The following MGAT4C variants were observed in gnomAD, a reference collection of about 807,000 sequenced individuals.
The protein encoded by MGAT4C is MGAT4 family member C, also known as alpha-1,3-mannosyl-glycoprotein 4-beta-N-acetylglucosaminyltransferase C.
A neutral mutation model predicts 40.1 loss-of-function variants in MGAT4C; 19 were observed. That is an observed-to-expected ratio of 0.47 (90% CI 0.33 to 0.70). The LOEUF (loss-of-function observed/expected upper bound fraction) is 0.70, where lower values mean the gene tolerates loss of function less well. MGAT4C is among the 30% of genes least tolerant of loss of function. MGAT4C has a pLI of 0.02. For missense variants in MGAT4C, 491 were observed against 563.2 expected (o/e 0.87, Z 1.30); for synonymous variants, 181 against 187.1 (o/e 0.97, Z 0.27).
intron 3 of MGAT4C, among the ~76,000 whole-genome samples, chr12:86,414,759 G>A (rs1439118011): frequency 6.6e-6 from 1 of 151,986 alleles, no homozygotes; most frequent in Non-Finnish European, 1.5e-5. Context: ...GTTTCATTTT[G>A]AACCGAATGG....
At chr12:86,047,015 A>C (rs1892460857) in intron 2 of MGAT4C, among the ~76,000 whole-genome samples, 1 of 152,200 alleles carries the variant, frequency 6.6e-6, no homozygotes, top group African/African-American at 2.4e-5. Context: ...TGGTAGAGGA[A>C]ATAAATATTT....
chr12:86,342,293 G>T (rs977531844), intron 3 of MGAT4C, among the ~76,000 whole-genome samples: 6 of 152,094 alleles, frequency 3.9e-5, no homozygotes, highest in African/African-American at 1.4e-4. Context: ...AGAGTATAAC[G>T]TAGGTGCTTG....
intron 1 of MGAT4C, among the ~76,000 whole-genome samples, chr12:86,132,515 TGG>T (rs1881336457): frequency 6.6e-6 from 1 of 152,100 alleles, no homozygotes; most frequent in Non-Finnish European, 1.5e-5. Flanking sequence ...AACTGACGGC[TGG>T]GCGCGGTGGC....
chr12:86,318,076 C>A (rs1243783583), intron 4 of MGAT4C, among the ~76,000 whole-genome samples: 1 of 151,702 alleles, frequency 6.6e-6, no homozygotes, highest in Non-Finnish European at 1.5e-5. Context: ...TGATGAAAAC[C>A]TCTCAGAGAA....
chr12:86,096,849 A>G (rs1306615376), intron 1 of MGAT4C, among the ~76,000 whole-genome samples: 3 of 151,552 alleles, frequency 2.0e-5, no homozygotes. Flanking sequence ...ATCCCATATA[A>G]TATATTTGTG....
chr12:86,465,254 G>C (rs563562193), intron 2 of MGAT4C, among the ~76,000 whole-genome samples: 2 of 152,032 alleles, frequency 1.3e-5, no homozygotes, highest in Non-Finnish European at 2.9e-5. Flanking sequence ...TAAATATAAA[G>C]TGCAAAACTA....
intron 2 of MGAT4C, among the ~76,000 whole-genome samples, chr12:86,015,233 C>T (rs1405677945): frequency 6.8e-6 from 1 of 147,832 alleles, no homozygotes; most frequent in East Asian, 2.1e-4. Flanking sequence ...TGCGGTTTTT[C>T]CGCAATTACT....
chr12:86,699,581 C>A (rs2136611616), intron 2 of MGAT4C, among the ~76,000 whole-genome samples: 1 of 152,108 alleles, frequency 6.6e-6, no homozygotes, highest in East Asian at 1.9e-4. Flanking sequence ...GAGCTGTTAA[C>A]CCCAGTGCAG....
chr12:86,216,888 T>A (rs1950694400), intron 1 of MGAT4C, among the ~76,000 whole-genome samples: 1 of 152,156 alleles, frequency 6.6e-6, no homozygotes, highest in African/African-American at 2.4e-5. Flanking sequence ...TATTACAAAT[T>A]TTTTTTCAGG....
At chr12:86,709,439 T>G (rs907346728) in intron 2 of MGAT4C, among the ~76,000 whole-genome samples, 2 of 152,196 alleles carry the variant, frequency 1.3e-5, no homozygotes, top group African/African-American at 2.4e-5. Context: ...GTAATAAAAT[T>G]ATCACAATCA....
chr12:86,452,937 T>C (rs542190498), intron 2 of MGAT4C, among the ~76,000 whole-genome samples: 11 of 152,280 alleles, frequency 7.2e-5, no homozygotes, highest in African/African-American at 2.6e-4. Flanking sequence ...ATATTTTCTC[T>C]CTCTGATCTT....
chr12:86,291,469 A>G (rs1332775848), intron 4 of MGAT4C, among the ~76,000 whole-genome samples: 2 of 152,162 alleles, frequency 1.3e-5, no homozygotes, highest in Non-Finnish European at 2.9e-5. Flanking sequence ...GATCAGGTCT[A>G]ATTGAGAAGC....
chr12:86,366,952 A>G (rs566077471), intron 3 of MGAT4C, among the ~76,000 whole-genome samples: 1 of 152,282 alleles, frequency 6.6e-6, no homozygotes, highest in African/African-American at 2.4e-5. Context: ...AACCACTTTA[A>G]TATGATAAAT....
At chr12:86,697,883 T>C (rs950331093) in intron 2 of MGAT4C, among the ~76,000 whole-genome samples, 14 of 152,086 alleles carry the variant, frequency 9.2e-5, no homozygotes, top group African/African-American at 3.1e-4. Context: ...AAAATCACTT[T>C]TCAGAATTAT....
intron 2 of MGAT4C, among the ~76,000 whole-genome samples, chr12:86,669,522 TC>T (rs1254826832): frequency 6.6e-6 from 1 of 152,130 alleles, no homozygotes; most frequent in African/African-American, 2.4e-5. Flanking sequence ...CTGTCCCCCA[TC>T]CCCATGCAGA....
intron 3 of MGAT4C, among the ~76,000 whole-genome samples, chr12:86,413,634 G>A (rs919534534): frequency 2.2e-4 from 34 of 152,184 alleles, no homozygotes; most frequent in Admixed American, 1.5e-3. Flanking sequence ...GGAAATTTGC[G>A]CAGAGCAGAG....
chr12:86,306,492 G>A (rs948357649), intron 4 of MGAT4C, among the ~76,000 whole-genome samples: 3 of 150,418 alleles, frequency 2.0e-5, no homozygotes, highest in Non-Finnish European at 4.4e-5. Flanking sequence ...TTCTAAAAGA[G>A]ACAAAATTAA....
intron 1 of MGAT4C, among the ~76,000 whole-genome samples, chr12:86,052,598 T>C (rs971614894): frequency 4.6e-5 from 7 of 151,960 alleles, no homozygotes; most frequent in African/African-American, 1.7e-4. Context: ...CCACACTACA[T>C]CACTCAGCAA....
rs1036809385 is a variant in MGAT4C at position 85,961,711 on chromosome 12, C to G, written c.*17578G>C. ...ATTTATTTGAATTTTTCTGGCCTAA[C>G]CTTGTTGGCATGAGAGTTCCCACTT... On this transcript the variant is annotated 3_prime_UTR_variant, in exon 5 of 5. Coordinates refer to ENST00000611864, the MANE Select transcript of MGAT4C (RefSeq NM_001351288.2). 1.3e-5 allele frequency: 2 copies of G among 151,818 alleles called. No homozygotes were observed. The highest frequency in any genetic ancestry group is 3.0e-5 in the Non-Finnish European group (2 of 67,776). 9.4% of individuals were successfully genotyped at this position (151,818 alleles called of 1,614,324 possible).
Sources: allele counts gnomAD v4.1 joint callset (sites outside exome capture counted in the v4.1 genomes callset), GRCh38; gene constraint gnomAD v4.1.1; transcripts MANE v1.5; gene names NCBI Gene and HGNC (gene_info 2026-07-23, HGNC 2026-07-21).